DAB1: variants seen among roughly 807,000 people sequenced by gnomAD.
DAB1 encodes the protein disabled homolog 1.
DAB1 carries 15 observed loss-of-function variants against 64.6 expected under a neutral mutation model. The observed-to-expected ratio is 0.23, with a 90% confidence interval of 0.16 to 0.36. The LOEUF is 0.36. DAB1 is among the 10% of genes least tolerant of loss of function. The pLI, the probability that DAB1 is intolerant of heterozygous loss-of-function variation, is 1.00. For synonymous variants in DAB1, 235 were observed against 251.9 expected, an observed-to-expected ratio of 0.93 and a Z score of 0.64; for missense variants, 596 against 706.7, an observed-to-expected ratio of 0.84 and a Z score of 1.78.
chr1:57,607,745 A>G (rs1645674616), intron 7 of DAB1, among the ~76,000 whole-genome samples: 1 of 152,214 alleles, frequency 6.6e-6, no homozygotes, highest in South Asian at 2.1e-4. Flanking sequence ...ATTAAAATTA[A>G]AGAACTAACA....
intron 5 of DAB1, among the ~76,000 whole-genome samples, chr1:58,036,539 G>A (rs2100493060): frequency 6.6e-6 from 1 of 152,248 alleles, no homozygotes; most frequent in South Asian, 2.1e-4. Flanking sequence ...TCCACCAAAG[G>A]CCTTTATTCA....
chr1:58,427,119 G>C (rs551059823), intron 3 of DAB1, among the ~76,000 whole-genome samples: 1 of 152,282 alleles, frequency 6.6e-6, no homozygotes, highest in East Asian at 1.9e-4. Flanking sequence ...GTAGAGTGCA[G>C]TGAGGAAGGT....
chr1:58,252,533 C>T lies in DAB1; in HGVS notation n.309+90819G>A, dbSNP rs185734191. On this transcript the variant is annotated intron_variant and non_coding_transcript_variant, in intron 4 of 20. Transcript: ENST00000485760. ...GAAAGGGAAACAGACAGTCCTTTCT[C>T]TCTTAGCAACAGGAGGAAAGGTTTT... 1.8e-3 allele frequency among the ~76,000 whole-genome samples: 275 copies of T among 152,242 alleles called. 1 individual carries two copies. Among genetic ancestry groups the T allele is most frequent in the Middle Eastern group, 0.01 (3 of 294 alleles).
intron 3 of DAB1, among the ~76,000 whole-genome samples, chr1:58,499,987 A>G (rs2100402457): frequency 6.6e-6 from 1 of 152,286 alleles, no homozygotes; most frequent in South Asian, 2.1e-4. Flanking sequence ...GACAAAAATT[A>G]ATGCCAGAGA....
At chr1:58,353,730 T>C (rs1644081067) in intron 3 of DAB1, among the ~76,000 whole-genome samples, 1 of 151,988 alleles carries the variant, frequency 6.6e-6, no homozygotes, top group Non-Finnish European at 1.5e-5. Context: ...AAGGAAAAAG[T>C]GAAGAAGAAA....
chr1:57,733,983 G>T (rs1647561135), intron 6 of DAB1, among the ~76,000 whole-genome samples: 2 of 152,138 alleles, frequency 1.3e-5, no homozygotes, highest in African/African-American at 4.8e-5. Context: ...ATATTTGGAG[G>T]AGATTATTTC....
At chr1:57,610,046 T>C (rs1645707552) in intron 7 of DAB1, among the ~76,000 whole-genome samples, 1 of 152,192 alleles carries the variant, frequency 6.6e-6, no homozygotes, top group Non-Finnish European at 1.5e-5. Context: ...CTGCTCCCTG[T>C]GGCTCCTCAG....
At chr1:58,425,595 C>G (rs974253112) in intron 3 of DAB1, among the ~76,000 whole-genome samples, 4 of 151,926 alleles carry the variant, frequency 2.6e-5, no homozygotes, top group South Asian at 2.1e-4. Context: ...AAATACAGGA[C>G]AAGCATAGGA....
chr1:58,040,370 C>T (rs1647116493), intron 5 of DAB1, among the ~76,000 whole-genome samples: 1 of 152,156 alleles, frequency 6.6e-6, no homozygotes, highest in Non-Finnish European at 1.5e-5. Flanking sequence ...GTAACTTGTT[C>T]AGGGATATAG....
intron 8 of DAB1, among the ~76,000 whole-genome samples, chr1:57,063,509 C>T (rs903851977): frequency 5.3e-5 from 8 of 152,060 alleles, no homozygotes; most frequent in African/African-American, 9.7e-5. Context: ...GGGCCTAGTA[C>T]GCAGAAGATC....
At chr1:58,128,647 T>C (rs1329612024) in intron 5 of DAB1, among the ~76,000 whole-genome samples, 1 of 122,886 alleles carries the variant, frequency 8.1e-6, no homozygotes, top group Non-Finnish European at 1.7e-5. Context: ...ACCTAATTTA[T>C]TGAGAGTTTT....
intron 9 of DAB1, among the ~76,000 whole-genome samples, chr1:57,059,404 G>A (rs1650154412): frequency 1.3e-5 from 2 of 152,168 alleles, no homozygotes; most frequent in Admixed American, 6.5e-5. Flanking sequence ...CCACTGGGCA[G>A]TTTCTCTTCT....
chr1:58,291,837 A>G (rs1366515786), intron 4 of DAB1, among the ~76,000 whole-genome samples: 1 of 152,238 alleles, frequency 6.6e-6, no homozygotes, highest in Non-Finnish European at 1.5e-5. Context: ...CCATGTTCTT[A>G]ACTGTGATGG....
intron 5 of DAB1, among the ~76,000 whole-genome samples, chr1:58,011,941 T>C (rs2100431160): frequency 6.6e-6 from 1 of 152,322 alleles, no homozygotes; most frequent in South Asian, 2.1e-4. Context: ...TCCACCTGCC[T>C]CGGCCTCCCA....
intron 2 of DAB1, among the ~76,000 whole-genome samples, chr1:57,246,359 G>T (rs538542867): frequency 6.6e-6 from 1 of 152,328 alleles, no homozygotes; most frequent in South Asian, 2.1e-4. Flanking sequence ...TACATCTTGG[G>T]CTATTGCTTC....
At chr1:58,545,509 GA>G (rs36121307) in intron 1 of DAB1, among the ~76,000 whole-genome samples, 98,358 of 150,684 alleles carry the variant, frequency 0.65, 33,963 homozygotes, top group East Asian at 0.94. Context: ...GAGCACATAA[GA>G]AAAAAAAAAA....
intron 5 of DAB1, among the ~76,000 whole-genome samples, chr1:57,889,358 T>G (rs895487316): frequency 6.6e-6 from 1 of 152,226 alleles, no homozygotes; most frequent in Non-Finnish European, 1.5e-5. Context: ...AGGACCATAT[T>G]TTCTGTTATG....
At chr1:57,464,591 T>C (rs1257272375) in intron 7 of DAB1, among the ~76,000 whole-genome samples, 2 of 152,162 alleles carry the variant, frequency 1.3e-5, no homozygotes, top group African/African-American at 4.8e-5. Flanking sequence ...AGCAAAGAGC[T>C]TGGCACACAG....
intron 3 of DAB1, among the ~76,000 whole-genome samples, chr1:58,417,422 G>T (rs952687651): frequency 6.6e-6 from 1 of 152,180 alleles, no homozygotes; most frequent in East Asian, 1.9e-4. Context: ...AATGCCAAGG[G>T]AAGAGAATCT....
Sources: gnomAD v4.1 joint callset for allele counts (sites outside exome capture counted in the v4.1 genomes callset) on GRCh38, gnomAD v4.1.1 for gene constraint, MANE v1.5 for transcripts, NCBI Gene and HGNC (gene_info 2026-07-23, HGNC 2026-07-21) for gene names.